LSAMP: variants seen among roughly 807,000 people sequenced by gnomAD.
The protein encoded by LSAMP is limbic system associated membrane protein.
LSAMP carries 7 observed loss-of-function variants against 38.6 expected under a neutral mutation model. That is an observed-to-expected ratio of 0.18 (90% CI 0.10 to 0.34). LSAMP has a LOEUF of 0.34. Among genes scored for constraint, LSAMP ranks in the 10% least tolerant of loss-of-function variants. LSAMP has a pLI of 1.00. For missense variants in LSAMP, 313 were observed against 420.0 expected (o/e 0.75, Z 2.23); for synonymous variants, 154 against 166.8 (o/e 0.92, Z 0.59).
At chr3:116,305,146 A>G (rs1017328527) in intron 1 of LSAMP, among the ~76,000 whole-genome samples, 3 of 152,222 alleles carry the variant, frequency 2.0e-5, no homozygotes, top group Middle Eastern at 3.4e-3. Flanking sequence ...AGAAATACAA[A>G]TGGGGATGCA....
At chr3:116,243,026 A>G (rs2046559003) in intron 1 of LSAMP, among the ~76,000 whole-genome samples, 1 of 152,150 alleles carries the variant, frequency 6.6e-6, no homozygotes, top group Non-Finnish European at 1.5e-5. Flanking sequence ...GAAGAGAATG[A>G]GAAGTCAACC....
chr3:116,083,890 C>T (rs1166831663), intron 2 of LSAMP, among the ~76,000 whole-genome samples: 1 of 152,134 alleles, frequency 6.6e-6, no homozygotes, highest in Non-Finnish European at 1.5e-5. Context: ...CCATCTGGTG[C>T]TTGAGATCAA....
At chr3:116,164,684 A>G (rs1380571387) in intron 1 of LSAMP, among the ~76,000 whole-genome samples, 2 of 116,378 alleles carry the variant, frequency 1.7e-5, no homozygotes, top group East Asian at 4.5e-4. Flanking sequence ...TATATATATA[A>G]TCCAAATATA....
chr3:116,222,268 A>C lies in LSAMP; in HGVS notation c.156-135712T>G, dbSNP rs1376835955. Among the ~76,000 whole-genome samples the C allele has an allele frequency of 7.0e-5, 5 of 71,024 alleles. No homozygotes were observed. The East Asian group carries it at 1.4e-3, about 20-fold the overall frequency. 46.6% of individuals were successfully genotyped at this position (71,024 alleles called of 152,430 possible). A position where few individuals can be genotyped will look rare whatever the true frequency, so the allele number is the denominator to read the frequency against. ...ATGTTATCCCTATTTTATGACTTCA[A>C]AAAAAAAAAAAACCAAATCAATTAG... On this transcript the variant is annotated intron_variant, in intron 1 of 6. Coordinates refer to ENST00000490035, the MANE Select transcript of LSAMP (RefSeq NM_002338.5).
intron 1 of LSAMP, among the ~76,000 whole-genome samples, chr3:116,189,395 A>G (rs1710700379): frequency 6.6e-6 from 1 of 152,236 alleles, no homozygotes. Flanking sequence ...CACCAAGGAA[A>G]TTGGCAAGTG....
intron 1 of LSAMP, among the ~76,000 whole-genome samples, chr3:116,106,764 A>T (rs1708477337): frequency 6.6e-6 from 1 of 152,126 alleles, no homozygotes; most frequent in South Asian, 2.1e-4. Context: ...CTATCTAGTG[A>T]AAGTGTCTAC....
intron 1 of LSAMP, among the ~76,000 whole-genome samples, chr3:116,152,670 T>TA (rs1366782628): frequency 1.3e-5 from 2 of 152,108 alleles, no homozygotes; most frequent in African/African-American, 4.8e-5. Context: ...TTGATGTTTT[T>TA]ATGCAGATTA....
intron 1 of LSAMP, among the ~76,000 whole-genome samples, chr3:116,090,959 G>C (rs554138091): frequency 6.6e-6 from 1 of 152,110 alleles, no homozygotes; most frequent in South Asian, 2.1e-4. Flanking sequence ...ATCAGGAGAC[G>C]GGGTTTTGAG....
chr3:116,164,761 T>TATA (rs754064532), intron 1 of LSAMP, among the ~76,000 whole-genome samples: 1,663 of 41,032 alleles, frequency 0.041, 160 homozygotes, highest in African/African-American at 0.091. Context: ...TATATATATA[T>TATA]TTTTTTTTTT....
intron 1 of LSAMP, among the ~76,000 whole-genome samples, chr3:116,324,383 C>G (rs138650905): frequency 0.014 from 2,124 of 152,180 alleles, 46 homozygotes; most frequent in Non-Finnish European, 0.018. Context: ...CATCATCAAG[C>G]ATAATAGTCA....
rs558760918 is a variant in LSAMP at position 116,107,753 on chromosome 3, G to C, written c.156-21197C>G. On this transcript the variant is annotated intron_variant, in intron 1 of 6. Coordinates refer to ENST00000490035, the MANE Select transcript of LSAMP (RefSeq NM_002338.5). Reference sequence around the variant, plus strand: ...CAGGGTCAGTCCAAGTGAAAGCGAAGAGAGGCTGGGATTAAGGGTGCAAAG... The same window carrying C: ...CAGGGTCAGTCCAAGTGAAAGCGAACAGAGGCTGGGATTAAGGGTGCAAAG... Among the ~76,000 whole-genome samples the C allele has an allele frequency of 2.0e-5, 3 of 152,302 alleles. No homozygotes were observed. The East Asian group carries it at 5.8e-4, about 29-fold the overall frequency.
intron 4 of LSAMP, among the ~76,000 whole-genome samples, chr3:115,850,000 G>T (rs1935278991): frequency 6.6e-6 from 1 of 152,006 alleles, no homozygotes; most frequent in African/African-American, 2.4e-5. Context: ...CACATGCTAG[G>T]TCCTGCTTGT....
intron 6 of LSAMP, among the ~76,000 whole-genome samples, chr3:115,811,243 G>T (rs1347546045): frequency 6.6e-6 from 1 of 152,102 alleles, no homozygotes; most frequent in Non-Finnish European, 1.5e-5. Context: ...GGGGATGTGG[G>T]TGTGGGTCTG....
chr3:115,813,752 G>A (rs1360719033), intron 6 of LSAMP, among the ~76,000 whole-genome samples: 4 of 152,134 alleles, frequency 2.6e-5, no homozygotes, highest in African/African-American at 9.7e-5. Flanking sequence ...TCAGTTAATG[G>A]CTATTTCAGG....
chr3:115,983,100 C>T (rs1939411605), intron 3 of LSAMP, among the ~76,000 whole-genome samples: 1 of 152,000 alleles, frequency 6.6e-6, no homozygotes, highest in Admixed American at 6.6e-5. Context: ...ATAACAACAA[C>T]AAAAAACAAA....
At chr3:116,074,303 C>T (rs887587065) in intron 2 of LSAMP, among the ~76,000 whole-genome samples, 8 of 152,106 alleles carry the variant, frequency 5.3e-5, no homozygotes, top group Non-Finnish European at 1.0e-4. Context: ...TCCCCCAAAA[C>T]AGGGAAGAGG....
intron 3 of LSAMP, among the ~76,000 whole-genome samples, chr3:116,006,589 C>A (rs541956015): frequency 1.3e-5 from 2 of 152,074 alleles, no homozygotes; most frequent in African/African-American, 4.8e-5. Flanking sequence ...AAATGTTTAT[C>A]TCTGGTCTCT....
chr3:116,408,439 T>G (rs28590146), intron 1 of LSAMP, among the ~76,000 whole-genome samples: 16,574 of 152,136 alleles, frequency 0.11, 1,258 homozygotes, highest in African/African-American at 0.22. Context: ...TATTTAGCAT[T>G]CTTATACTTT....
At chr3:116,208,559 T>G (rs1332183059) in intron 1 of LSAMP, among the ~76,000 whole-genome samples, 1 of 152,190 alleles carries the variant, frequency 6.6e-6, no homozygotes, top group Non-Finnish European at 1.5e-5. Context: ...TTGATGATGG[T>G]GATGTACAGA....
Sources: gnomAD v4.1 joint callset for allele counts (sites outside exome capture counted in the v4.1 genomes callset) on GRCh38, gnomAD v4.1.1 for gene constraint, MANE v1.5 for transcripts, NCBI Gene and HGNC (gene_info 2026-07-23, HGNC 2026-07-21) for gene names.